Variants in ZBTB7B observed in about 807,000 individuals in gnomAD.
ZBTB7B encodes the protein zinc finger and BTB domain-containing protein 7B.
Under a neutral mutation model 31.0 loss-of-function variants are expected in ZBTB7B, and 8 were observed. That is an observed-to-expected ratio of 0.26 (90% CI 0.15 to 0.47). ZBTB7B has a LOEUF of 0.47. ZBTB7B is among the 20% of genes least tolerant of loss of function. The pLI, the probability that ZBTB7B is intolerant of heterozygous loss-of-function variation, is 0.99. For synonymous variants in ZBTB7B, 261 were observed against 307.3 expected (o/e 0.85, Z 1.58); for missense variants, 494 against 742.4 (o/e 0.67, Z 3.89).
rs1658415743 is a variant in ZBTB7B at position 155,004,093 on chromosome 1, C to A, written c.-7+1150C>A. Among the ~76,000 whole-genome samples the A allele has an allele frequency of 6.6e-6, 1 of 152,190 alleles. No homozygotes were observed. Among genetic ancestry groups the A allele is most frequent in the Admixed American group, 6.5e-5 (1 of 15,282 alleles). ...GGGCAGGGGGGCGGGGAGCCTGGGT[C>A]CGGAGCAGGGGAGGGGCAGAGGCGC... On this transcript the variant is annotated intron_variant, in intron 1 of 2. Transcript: ENST00000535420. This position sits in a 1 kb window ranked among gnomAD's most constrained non-coding sequence, Gnocchi z 4.0.
At chr1:155,007,573 G>T (rs947682997) in intron 1 of ZBTB7B, among the ~76,000 whole-genome samples, 2 of 152,192 alleles carry the variant, frequency 1.3e-5, no homozygotes, top group African/African-American at 2.4e-5. Flanking sequence ...CTCTGTGTAG[G>T]CCCTGACCAG....
At position 155,016,645 on chromosome 1, in the gene ZBTB7B, C is replaced by T. The variant is rs763961516; in HGVS notation, c.1580C>T (p.Pro527Leu). 6 of 1,592,606 alleles carry T rather than the reference C, an allele frequency of 3.8e-6. No homozygotes were observed. Among genetic ancestry groups the T allele is most frequent in the Non-Finnish European group, 5.1e-6 (6 of 1,168,274 alleles). ...PPDDDEEEGA[P>L]TTPQAEGAME... ...GATGACGATGAGGAGGAAGGGGCAC[C>T]CACCACACCCCAGGCTGAAGGTGCC... Residue 527 changes from proline to leucine, a missense_variant, in exon 3 of 3, where the codon CCC (proline) becomes CTC (leucine). Physicochemically the swap from Pro to Leu is moderately conservative, Grantham distance 98. This residue lies in a region of ZBTB7B where 101 missense variants were observed against 119.5 expected (regional missense o/e 0.85). Coordinates refer to ENST00000535420, the MANE Select transcript of ZBTB7B (RefSeq NM_001256455.2). The surrounding 1 kb of genome is among the most constrained non-coding windows in gnomAD (Gnocchi z 4.3).
At position 155,003,987 on chromosome 1, in the gene ZBTB7B, G is replaced by C. The variant is rs538490060; in HGVS notation, c.-7+1044G>C. Among the ~76,000 whole-genome samples, 1 of 152,130 alleles carries C rather than the reference G, an allele frequency of 6.6e-6. No individual in the cohort carries two copies. Among genetic ancestry groups the C allele is most frequent in the African/African-American group, 2.4e-5 (1 of 41,442 alleles). ...CCCTGCTGGTGTTTAGAGAGAGGGC[G>C]GGTCCCCTGCCCCCCGCCCCGCACA... is the stretch of plus-strand genomic sequence containing the variant. On this transcript the variant is annotated intron_variant, in intron 1 of 2. Coordinates refer to ENST00000535420, the MANE Select transcript of ZBTB7B (RefSeq NM_001256455.2). The surrounding 1 kb of genome is among the most constrained non-coding windows in gnomAD (Gnocchi z 5.8).
In ZBTB7B at chr1:155,015,119, G is replaced by A; in HGVS notation, c.459G>A (p.Glu153=). The A allele has an allele frequency of 1.2e-6, 2 of 1,613,522 alleles. No homozygotes were observed. The highest frequency in any genetic ancestry group is 1.7e-6 in the Non-Finnish European group (2 of 1,180,010). Reference sequence around the variant, plus strand: ...GGCTAGAAGCTCCCAGCCCGGACGAGGATGACTGTGAGCGAGCCCGCCAGT... The same window carrying A: ...GGCTAGAAGCTCCCAGCCCGGACGAAGATGACTGTGAGCGAGCCCGCCAGT... ...GSGLEAPSPD[E]DDCERARQYL... The change falls in exon 2 of 3, where the codon GAG becomes GAA. Residue 153 remains glutamate, a synonymous_variant. Coordinates refer to ENST00000535420, the MANE Select transcript of ZBTB7B (RefSeq NM_001256455.2).
At chr1:155,008,181 G>A (rs1658682062) in intron 1 of ZBTB7B, among the ~76,000 whole-genome samples, 1 of 152,082 alleles carries the variant, frequency 6.6e-6, no homozygotes, top group East Asian at 1.9e-4. Flanking sequence ...ATCCCCCTCA[G>A]GCCAGCTCTG....
intron 1 of ZBTB7B, among the ~76,000 whole-genome samples, chr1:155,012,464 C>T (rs1659061042): frequency 6.6e-6 from 1 of 152,096 alleles, no homozygotes; most frequent in South Asian, 2.1e-4. Flanking sequence ...TGCTGCTGCC[C>T]ACCTGGTTTT....
chr1:155,006,245 T>C (rs1055027988), intron 1 of ZBTB7B, among the ~76,000 whole-genome samples: 2 of 152,156 alleles, frequency 1.3e-5, no homozygotes, highest in Non-Finnish European at 2.9e-5. Flanking sequence ...TCCTGTCCCA[T>C]AGTTTGGGAT....
rs997652887 is a variant in ZBTB7B at position 155,003,494 on chromosome 1, G to A, written c.-7+551G>A. Among the ~76,000 whole-genome samples, 1 of 152,184 alleles carries A rather than the reference G, an allele frequency of 6.6e-6. No homozygotes were observed. Among genetic ancestry groups the A allele is most frequent in the African/African-American group, 2.4e-5 (1 of 41,452 alleles). On this transcript the variant is annotated intron_variant, in intron 1 of 2. Coordinates refer to ENST00000535420, the MANE Select transcript of ZBTB7B (RefSeq NM_001256455.2). This position sits in a 1 kb window ranked among gnomAD's most constrained non-coding sequence, Gnocchi z 5.8. ...CTATTCGGTTTCTTGCGCTTCCAGAGCCGCGCTCTCTCCAGCGGTAGTGGG... is the reference window on the plus strand; with the variant it reads ...CTATTCGGTTTCTTGCGCTTCCAGAACCGCGCTCTCTCCAGCGGTAGTGGG...
In ZBTB7B at chr1:155,016,736, CAAG is replaced by C; in HGVS notation, c.*52_*54del. On this transcript the variant is annotated 3_prime_UTR_variant, in exon 3 of 3. Transcript: ENST00000535420. The surrounding 1 kb of genome is among the most constrained non-coding windows in gnomAD (Gnocchi z 4.3). ...AGCACAAGGCCGGGGACACCCATGC[CAAG>C]CAGTGGGAGCACGCAGGACAGACAC... 2.7e-6 allele frequency: 3 copies of C among 1,105,538 alleles called. No individual in the cohort carries two copies. Among genetic ancestry groups the C allele is most frequent in the Non-Finnish European group, 3.9e-6 (3 of 778,692 alleles). 68.5% of individuals were successfully genotyped at this position (1,105,538 alleles called of 1,614,324 possible). A position where few individuals can be genotyped will look rare whatever the true frequency, so the allele number is the denominator to read the frequency against.
At position 155,003,561 on chromosome 1, in the gene ZBTB7B, C is replaced by T. The variant is rs1013430001; in HGVS notation, c.-7+618C>T. Among the ~76,000 whole-genome samples the T allele has an allele frequency of 1.4e-4, 22 of 152,348 alleles. No homozygotes were observed. The highest frequency in any genetic ancestry group is 3.4e-3 in the Middle Eastern group (1 of 294). ...TGAACCGACATAGAACGACCGCTCT[C>T]TTCCCTGCCCCTCAATCCCACTCCC... On this transcript the variant is annotated intron_variant, in intron 1 of 2. Coordinates refer to ENST00000535420, the MANE Select transcript of ZBTB7B (RefSeq NM_001256455.2). The surrounding 1 kb of genome is among the most constrained non-coding windows in gnomAD (Gnocchi z 5.8).
rs371715356 is a variant in ZBTB7B, at chr1:155,004,631, G to A, written c.-7+1688G>A. Among the ~76,000 whole-genome samples the A allele has an allele frequency of 4.8e-4, 73 of 152,244 alleles. 4 individuals are homozygous for A. The South Asian group carries it at 0.015, about 31-fold the overall frequency. On this transcript the variant is annotated intron_variant, in intron 1 of 2. Coordinates refer to ENST00000535420, the MANE Select transcript of ZBTB7B (RefSeq NM_001256455.2). The surrounding 1 kb of genome is among the most constrained non-coding windows in gnomAD (Gnocchi z 4.0). The stretch of plus-strand genomic sequence containing the variant: ...TAGAGAGGGACATATGTGTGACTAT[G>A]TCTGGATGATAGTTAGTGTTCCTCC...
upstream of ZBTB7B, chr1:155,002,634 AG>A (rs1558082633): frequency 2.4e-5 from 1 of 42,194 alleles, no homozygotes; most frequent in African/African-American, 1.0e-4. Context: ...GGGGGGAGGG[AG>A]GGGAGGGATG....
chr1:155,009,105 A>G (rs1000889730), intron 1 of ZBTB7B, among the ~76,000 whole-genome samples: 2 of 152,208 alleles, frequency 1.3e-5, no homozygotes, highest in African/African-American at 2.4e-5. Context: ...AGACTTCACA[A>G]GAGAGTTTAG....
rs1659592798 is a variant in ZBTB7B at position 155,018,008 on chromosome 1, C to T, written c.*1323C>T. On this transcript the variant is annotated 3_prime_UTR_variant, in exon 3 of 3. Coordinates refer to ENST00000535420, the MANE Select transcript of ZBTB7B (RefSeq NM_001256455.2). ...CCAATTCTGCTGGGGGTGGGGGACA[C>T]CCCCCCTTCCTCGCTGGGTGCTGGA... is the stretch of plus-strand genomic sequence containing the variant. 1 of 157,162 alleles carries T rather than the reference C, an allele frequency of 6.4e-6. No homozygotes were observed. Among genetic ancestry groups the T allele is most frequent in the Non-Finnish European group, 1.4e-5 (1 of 70,832 alleles). The allele number at this position is 157,162 out of a possible 1,614,324, so 9.7% of individuals were successfully genotyped here.
Position 155,016,074 on chromosome 1 carries a change from G to T in ZBTB7B, c.1155-146G>T. 1.1e-6 allele frequency: 1 copy of T among 938,206 alleles called. No individual in the cohort carries two copies. The highest frequency in any genetic ancestry group is 1.6e-6 in the Non-Finnish European group (1 of 628,692). The allele number at this position is 938,206 out of a possible 1,614,324, so 58.1% of individuals were successfully genotyped here. On this transcript the variant is annotated intron_variant, in intron 2 of 2. Transcript: ENST00000535420. The surrounding 1 kb of genome is among the most constrained non-coding windows in gnomAD (Gnocchi z 4.3). The stretch of plus-strand genomic sequence containing the variant: ...ATGACAAGGCCTAGTTAAGCTAGAG[G>T]TGAGCTAGCAGGGTATCTCCTGGGG...
rs1659588491 is a variant in ZBTB7B at position 155,017,965 on chromosome 1, T to C, written c.*1280T>C. The C allele has an allele frequency of 6.4e-6, 1 of 157,138 alleles. No individual in the cohort carries two copies. The highest frequency in any genetic ancestry group is 1.4e-5 in the Non-Finnish European group (1 of 70,852). 9.7% of individuals were successfully genotyped at this position (157,138 alleles called of 1,614,324 possible). On this transcript the variant is annotated 3_prime_UTR_variant, in exon 3 of 3. Transcript: ENST00000535420. ...TTCTGTTGGTCTTGTTGAAATCTAGTTTCAGATTTTTAACTACCCAATTCT... is the reference window on the plus strand; with the variant it reads ...TTCTGTTGGTCTTGTTGAAATCTAGCTTCAGATTTTTAACTACCCAATTCT...
At chr1:155,010,852 G>T in intron 1 of ZBTB7B, 3 of 1,359,092 alleles carry the variant, frequency 2.2e-6, no homozygotes, top group South Asian at 1.2e-5. Context: ...AAGGGGGAGG[G>T]GTGGCCAGCC....
At position 155,003,684 on chromosome 1, in the gene ZBTB7B, C is replaced by T. The variant is rs1658384326; in HGVS notation, c.-7+741C>T. Among the ~76,000 whole-genome samples the T allele has an allele frequency of 6.6e-6, 1 of 152,156 alleles. No homozygotes were observed. Among genetic ancestry groups the T allele is most frequent in the Non-Finnish European group, 1.5e-5 (1 of 68,004 alleles). On this transcript the variant is annotated intron_variant, in intron 1 of 2. Transcript: ENST00000535420. The surrounding 1 kb of genome is among the most constrained non-coding windows in gnomAD (Gnocchi z 5.8). ...GGGTGACTAGGAAGAATTCTCCTAC[C>T]TACTACCCGTCCCCCCACCGGCGCC...
Position 155,015,186 on chromosome 1 carries a change from A to G in ZBTB7B, c.526A>G (p.Asn176Asp). 1.2e-6 allele frequency: 2 copies of G among 1,613,688 alleles called. No homozygotes were observed. Among genetic ancestry groups the G allele is most frequent in the Middle Eastern group, 1.6e-4 (1 of 6,062 alleles). ...CACAGCCACGGCCTCTGGAGTTCCC[A>G]ATGGTGAAGACAGTCCTCCACAGGT... is the stretch of plus-strand genomic sequence containing the variant. The part of the protein sequence containing the change: ...FATATASGVP[N>D]GEDSPPQVPL... Residue 176 changes from asparagine (N) to aspartate (D), a missense_variant, in exon 2 of 3, where the codon AAT becomes GAT. Around this residue, in one of 5 missense-constraint regions of ZBTB7B, gnomAD observed 216 missense variants for 229.3 expected, o/e 0.94. Transcript: ENST00000535420.
Sources: allele counts gnomAD v4.1 joint callset (sites outside exome capture counted in the v4.1 genomes callset), GRCh38; gene constraint gnomAD v4.1.1; regional missense constraint gnomAD v4.1.1; non-coding constraint Gnocchi (gnomAD v3.1); transcripts MANE v1.5; gene names NCBI Gene and HGNC (gene_info 2026-07-23, HGNC 2026-07-21).